EXT2: variants seen among roughly 807,000 people sequenced by gnomAD.
The protein encoded by EXT2 is exostosin glycosyltransferase 2, also known as exostosin-2.
A neutral mutation model predicts 81.6 loss-of-function variants in EXT2; 53 were observed. The observed-to-expected ratio is 0.65, with a 90% CI of 0.52 to 0.82. The LOEUF (loss-of-function observed/expected upper bound fraction) is 0.82, where lower values mean the gene tolerates loss of function less well. EXT2 is among the 40% of genes least tolerant of loss of function. EXT2 has a pLI of 0.00. For missense variants in EXT2, 774 were observed against 910.2 expected (o/e 0.85, Z 1.93); for synonymous variants, 320 against 340.0 (o/e 0.94, Z 0.65).
chr11:44,111,824 ATAT>A (rs1954148274), intron 3 of EXT2, among the ~76,000 whole-genome samples: 1 of 152,200 alleles, frequency 6.6e-6, no homozygotes, highest in Admixed American at 6.5e-5. Flanking sequence ...GCATCTGTAA[ATAT>A]TGTGTGAATC....
At chr11:44,142,238 A>C (rs1189282964) in intron 7 of EXT2, among the ~76,000 whole-genome samples, 1 of 152,214 alleles carries the variant, frequency 6.6e-6, no homozygotes, top group African/African-American at 2.4e-5. Flanking sequence ...GGAGTTGCCT[A>C]ATTATTTTTG....
chr11:44,131,762 G>T lies in EXT2; in HGVS notation c.1173+1624G>T, dbSNP rs531738524. Among the ~76,000 whole-genome samples the T allele has an allele frequency of 3.9e-5, 6 of 152,248 alleles. No individual in the cohort carries two copies. The South Asian group carries it at 1.2e-3, about 32-fold the overall frequency. ...TGTTACCTTTTCTTTCCCCGCCGAG[G>T]GGTCTCACTCTGTAGTGCAGGCTGG... is the stretch of plus-strand genomic sequence containing the variant. On this transcript the variant is annotated intron_variant, in intron 7 of 13. Transcript: ENST00000533608.
intron 8 of EXT2, among the ~76,000 whole-genome samples, chr11:44,179,868 T>C (rs765009920): frequency 1.3e-5 from 2 of 152,184 alleles, no homozygotes; most frequent in Non-Finnish European, 2.9e-5. Flanking sequence ...TCCCAATTGA[T>C]TAATGTGTCT....
At chr11:44,196,933 C>A (rs192124251) in intron 8 of EXT2, among the ~76,000 whole-genome samples, 1 of 152,112 alleles carries the variant, frequency 6.6e-6, no homozygotes, top group South Asian at 2.1e-4. Context: ...AAAAGCTGAT[C>A]GGAAGTTCTT....
intron 1 of EXT2, among the ~76,000 whole-genome samples, chr11:44,096,779 A>G (rs1307118580): frequency 6.6e-6 from 1 of 152,246 alleles, no homozygotes; most frequent in Non-Finnish European, 1.5e-5. Flanking sequence ...GGCAATGCTA[A>G]TCTAGAAAGG....
At chr11:44,115,379 A>G (rs1188063628) in intron 4 of EXT2, among the ~76,000 whole-genome samples, 1 of 152,014 alleles carries the variant, frequency 6.6e-6, no homozygotes, top group Non-Finnish European at 1.5e-5. Flanking sequence ...CCATATCTTC[A>G]GTGTCTGGCA....
At chr11:44,185,514 G>C (rs2135157833) in intron 8 of EXT2, among the ~76,000 whole-genome samples, 3 of 151,892 alleles carry the variant, frequency 2.0e-5, no homozygotes, top group Middle Eastern at 3.4e-3. Context: ...TTGCCCTTGT[G>C]GGTTCATGCC....
intron 12 of EXT2, among the ~76,000 whole-genome samples, chr11:44,235,972 A>G (rs1955958622): frequency 6.6e-6 from 1 of 152,238 alleles, no homozygotes; most frequent in African/African-American, 2.4e-5. Flanking sequence ...TATGGCTACA[A>G]GAACAAATGG....
chr11:44,152,861 GGC>G (rs1354468827), intron 7 of EXT2, among the ~76,000 whole-genome samples: 1 of 152,022 alleles, frequency 6.6e-6, no homozygotes, highest in African/African-American at 2.4e-5. Flanking sequence ...TCTGTGTCTG[GGC>G]TCTCTATTCT....
intron 7 of EXT2, among the ~76,000 whole-genome samples, chr11:44,132,481 G>C (rs1159130663): frequency 1.3e-5 from 2 of 152,196 alleles, no homozygotes. Flanking sequence ...GCATGACCAT[G>C]GTAAGTCCCC....
At position 44,250,615 on chromosome 11, in the gene EXT2, T is replaced by A. The variant is rs1956130825; in HGVS notation, c.*6328T>A. The stretch of plus-strand genomic sequence containing the variant: ...AGTTCTCTTGCCCCAGTCCCTTTCC[T>A]GTGCTATAAATAAGCCCCATGTTTA... On this transcript the variant is annotated 3_prime_UTR_variant, in exon 14 of 14. Coordinates refer to ENST00000533608, the MANE Select transcript of EXT2 (RefSeq NM_207122.2). Among the ~76,000 whole-genome samples, 1 of 152,208 alleles carries A rather than the reference T, an allele frequency of 6.6e-6. No individual in the cohort carries two copies. The highest frequency in any genetic ancestry group is 1.5e-5 in the Non-Finnish European group (1 of 68,034).
intron 1 of EXT2, among the ~76,000 whole-genome samples, chr11:44,097,761 AAAATAAAT>A (rs146581535): frequency 0.36 from 39,830 of 110,712 alleles, 6,266 homozygotes; most frequent in East Asian, 0.55. Flanking sequence ...TCCATCTCAA[AAAATAAAT>A]AAATAAATAA....
chr11:44,165,169 C>T (rs753486649), intron 7 of EXT2, among the ~76,000 whole-genome samples: 19 of 152,208 alleles, frequency 1.2e-4, no homozygotes, highest in Admixed American at 7.2e-4. Context: ...TGAGCCACCG[C>T]GCCCGGCCCA....
chr11:44,229,077 G>A (rs1212607324), intron 10 of EXT2, among the ~76,000 whole-genome samples: 2 of 152,060 alleles, frequency 1.3e-5, no homozygotes, highest in Admixed American at 1.3e-4. Flanking sequence ...TTAGTTATGT[G>A]TGCTTGGGGC....
rs1048215658 is a variant in EXT2 at position 44,249,690 on chromosome 11, GACCA to G, written c.*5410_*5413del. Among the ~76,000 whole-genome samples, 2 of 152,208 alleles carry G rather than the reference GACCA, an allele frequency of 1.3e-5. No individual in the cohort carries two copies. The highest frequency in any genetic ancestry group is 4.8e-5 in the African/African-American group (2 of 41,468). ...TGGTTTTCTGGTGAGCACAGCTGAA[GACCA>G]ACCAACTAGTTACTGATCCAGATGA... On this transcript the variant is annotated 3_prime_UTR_variant, in exon 14 of 14. Coordinates refer to ENST00000533608, the MANE Select transcript of EXT2 (RefSeq NM_207122.2).
chr11:44,140,137 C>T (rs556428302), intron 7 of EXT2, among the ~76,000 whole-genome samples: 5 of 152,324 alleles, frequency 3.3e-5, no homozygotes, highest in East Asian at 3.9e-4. Flanking sequence ...TGTGCTTTCA[C>T]GCTTCAGCAA....
intron 1 of EXT2, among the ~76,000 whole-genome samples, chr11:44,097,969 A>C (rs1248196927): frequency 6.6e-6 from 1 of 152,230 alleles, no homozygotes; most frequent in Non-Finnish European, 1.5e-5. Flanking sequence ...TGGGGTTAAA[A>C]GACTTTTCCA....
At chr11:44,109,142 G>A in intron 2 of EXT2, 52 bp from the exon 3 acceptor site, 1 of 1,590,286 alleles carries the variant, frequency 6.3e-7, no homozygotes, top group Non-Finnish European at 8.6e-7. Flanking sequence ...ACTGACTCTT[G>A]TCTTTTCATA....
intron 7 of EXT2, among the ~76,000 whole-genome samples, chr11:44,155,599 C>G (rs1954845939): frequency 1.3e-5 from 2 of 152,034 alleles, no homozygotes; most frequent in African/African-American, 4.8e-5. Flanking sequence ...AACAAGCTAA[C>G]AAGCAAAGAG....
Sources: gnomAD v4.1 joint callset for allele counts (sites outside exome capture counted in the v4.1 genomes callset) on GRCh38, gnomAD v4.1.1 for gene constraint, MANE v1.5 for transcripts, NCBI Gene and HGNC (gene_info 2026-07-23, HGNC 2026-07-21) for gene names.